Variants in RPS8 observed in about 807,000 individuals in gnomAD.
The protein encoded by RPS8 is small ribosomal subunit protein eS8.
For missense variants in RPS8, 141 were observed against 269.7 expected (o/e 0.52, Z 3.34); for synonymous variants, 100 against 100.7 (o/e 0.99, Z 0.04).
At position 44,778,719 on chromosome 1, in the gene RPS8, T is replaced by A; in HGVS notation, c.*34T>A. 7.2e-7 allele frequency: 1 copy of A among 1,388,444 alleles called. No homozygotes were observed. Among genetic ancestry groups the A allele is most frequent in the South Asian group, 1.2e-5 (1 of 80,716 alleles). 86.0% of individuals were successfully genotyped at this position (1,388,444 alleles called of 1,614,324 possible). A position where few individuals can be genotyped will look rare whatever the true frequency, so the allele number is the denominator to read the frequency against. On this transcript the variant is annotated 3_prime_UTR_variant, in exon 6 of 6. Transcript: ENST00000396651. ...TTTGTCTTCACCCATGTAATAAAGG[T>A]GTTTATTGTTTTGTTCCCACATTTA...
chr1:44,778,516 TGGAGA>T, intron 5 of RPS8, 55 bp from the exon 6 acceptor site: 1 of 1,329,194 alleles, frequency 7.5e-7, no homozygotes, highest in Non-Finnish European at 1.1e-6. Flanking sequence ...CTTAAGCGGG[TGGAGA>T]GGTTTGGGTA....
chr1:44,776,939 GAGCGAGAC>G (rs1650876875), intron 3 of RPS8, 165 bp downstream of exon 3: 2 of 549,866 alleles, frequency 3.6e-6, no homozygotes, highest in East Asian at 6.3e-5. Flanking sequence ...CTGGGCAACA[GAGCGAGAC>G]TCTCAGTAAA....
chr1:44,778,610 A>G lies in RPS8; in HGVS notation c.552A>G (p.Arg184=). 6.2e-7 allele frequency: 1 copy of G among 1,613,974 alleles called. No individual in the cohort carries two copies. The highest frequency in any genetic ancestry group is 8.5e-7 in the Non-Finnish European group (1 of 1,179,982). ...CTTCAAGGCCGGGACAGTGTGGCCGAGCAGATGGCTATGTGCTAGAGGGCA... is the reference window on the plus strand; with the variant it reads ...CTTCAAGGCCGGGACAGTGTGGCCGGGCAGATGGCTATGTGCTAGAGGGCA... The part of the protein sequence containing the change: ...CIASRPGQCG[R]ADGYVLEGKE... Residue 184 remains arginine (R), a synonymous_variant, in exon 6 of 6, where the codon CGA becomes CGG. Coordinates refer to ENST00000396651, the MANE Select transcript of RPS8 (RefSeq NM_001012.2).
chr1:44,776,641 G>C (rs1209922675), intron 2 of RPS8, 34 bp from the exon 3 acceptor site: 2 of 1,587,002 alleles, frequency 1.3e-6, no homozygotes, highest in Admixed American at 1.7e-5. Context: ...TGCTCTCCTT[G>C]GTAACCTAGT....
chr1:44,776,608 A>G, intron 2 of RPS8, 67 bp from the exon 3 acceptor site: 1 of 1,337,946 alleles, frequency 7.5e-7, no homozygotes, highest in East Asian at 2.3e-5. Flanking sequence ...CTCCCGGCCC[A>G]GGTTCCTCTC....
chr1:44,778,249 A>G, intron 5 of RPS8, 120 bp downstream of exon 5: 1 of 1,276,426 alleles, frequency 7.8e-7, no homozygotes, highest in Non-Finnish European at 1.1e-6. Flanking sequence ...CACTGATAAC[A>G]GGCTGCGAGC....
In RPS8 at chr1:44,776,087, C is replaced by G; in HGVS notation, c.58C>G (p.Pro20Ala). Residue 20 changes from proline to alanine, a missense_variant, in exon 2 of 6, where the codon CCC becomes GCC. Pro to Ala is a conservative substitution (Grantham distance 27). Coordinates refer to ENST00000396651, the MANE Select transcript of RPS8 (RefSeq NM_001012.2). ...KRRKTGGKRK[P>A]YHKKRKYELG... is the part of the protein sequence containing the mutation. ...CCGCAAAACCGGGGGCAAGAGAAAG[C>G]CCTACCACAAGAAGCGGAAGTATGA... 1 of 1,610,468 alleles carries G rather than the reference C, an allele frequency of 6.2e-7. No individual in the cohort carries two copies. The highest frequency in any genetic ancestry group is 8.5e-7 in the Non-Finnish European group (1 of 1,179,098).
At chr1:44,775,746 G>A in intron 1 of RPS8, 146 bp downstream of exon 1, 5 of 1,127,704 alleles carry the variant, frequency 4.4e-6, no homozygotes, top group South Asian at 1.2e-5. Context: ...GGTTTCGGCC[G>A]CCCAGCCCGT....
intron 3 of RPS8, 146 bp downstream of exon 3, chr1:44,776,920 G>T: frequency 1.7e-6 from 1 of 573,618 alleles, no homozygotes; most frequent in Non-Finnish European, 3.0e-6. Flanking sequence ...TCAGGAGTTC[G>T]AGTCCAGCCT....
Position 44,775,563 on chromosome 1 carries a change from CT to C in RPS8, c.-31del. 6.2e-7 allele frequency: 1 copy of C among 1,614,054 alleles called. No individual in the cohort carries two copies. The highest frequency in any genetic ancestry group is 8.5e-7 in the Non-Finnish European group (1 of 1,179,918). On this transcript the variant is annotated 5_prime_UTR_variant, in exon 1 of 6. Transcript: ENST00000396651. ...GCGTTTTACAAACCGAACCGTGAATCTTTGCGGTTTCTCTTTCCAGCCAGCG... is the reference window on the plus strand; with the variant it reads ...GCGTTTTACAAACCGAACCGTGAATCTTGCGGTTTCTCTTTCCAGCCAGCG...
intron 3 of RPS8, 35 bp from the exon 4 acceptor site, chr1:44,777,579 C>T: frequency 6.3e-7 from 1 of 1,583,906 alleles, no homozygotes; most frequent in Non-Finnish European, 8.6e-7. Flanking sequence ...ATTTGTCCTC[C>T]AGTTTACTTG....
rs781472251 is a variant in RPS8, at chr1:44,778,601, G to T, written c.543G>T (p.Gln181His). 2.5e-6 allele frequency: 4 copies of T among 1,613,908 alleles called. No homozygotes were observed. The highest frequency in any genetic ancestry group is 3.4e-6 in the Non-Finnish European group (4 of 1,179,876). Reference sequence around the variant, plus strand: ...CGTGCATCGCTTCAAGGCCGGGACAGTGTGGCCGAGCAGATGGCTATGTGC... The same window carrying T: ...CGTGCATCGCTTCAAGGCCGGGACATTGTGGCCGAGCAGATGGCTATGTGC... The part of the protein sequence containing the change: ...LLACIASRPG[Q>H]CGRADGYVLE... The change falls in exon 6 of 6, where the codon CAG becomes CAT. Residue 181 changes from glutamine (Q) to histidine (H), a missense_variant. Transcript: ENST00000396651.
intron 2 of RPS8, 25 bp from the exon 3 acceptor site, chr1:44,776,650 G>A: frequency 3.7e-6 from 6 of 1,606,370 alleles, no homozygotes; most frequent in Non-Finnish European, 5.1e-6. Flanking sequence ...TGGTAACCTA[G>A]TTCCTGTAAC....
chr1:44,778,513 G>C (rs561860661), intron 5 of RPS8, 63 bp from the exon 6 acceptor site: 2 of 1,300,274 alleles, frequency 1.5e-6, no homozygotes, highest in Non-Finnish European at 2.2e-6. Flanking sequence ...ATTCTTAAGC[G>C]GGTGGAGAGG....
At chr1:44,778,207 C>G in intron 5 of RPS8, 78 bp downstream of exon 5, 5 of 1,548,694 alleles carry the variant, frequency 3.2e-6, no homozygotes, top group Admixed American at 1.8e-5. Context: ...GTCTCAGTTC[C>G]TTTGACTGCC....
chr1:44,776,836 A>G (rs1162143614), intron 3 of RPS8, 62 bp downstream of exon 3: 16 of 1,327,144 alleles, frequency 1.2e-5, no homozygotes, highest in African/African-American at 3.0e-5. Flanking sequence ...AGATTCACCA[A>G]GTGGGCCTGG....
chr1:44,775,858 G>C (rs758823753), intron 1 of RPS8, 176 bp from the exon 2 acceptor site: 12 of 816,140 alleles, frequency 1.5e-5, no homozygotes, highest in Non-Finnish European at 2.4e-5. Context: ...CCCCGGCCTG[G>C]CCGCACGTGT....
At chr1:44,777,373 C>T (rs553073225) in intron 3 of RPS8, 3 of 515,444 alleles carry the variant, frequency 5.8e-6, no homozygotes, top group Admixed American at 3.4e-5. Context: ...GCCCGACCTG[C>T]TCTGATCTTT....
intron 2 of RPS8, chr1:44,776,468 G>T (rs768964306): frequency 2.6e-6 from 2 of 761,980 alleles, no homozygotes; most frequent in Non-Finnish European, 4.8e-6. Context: ...AGCATTTGGG[G>T]TCAGGCTTTC....
Sources: allele counts gnomAD v4.1 joint callset, GRCh38; gene constraint gnomAD v4.1.1; transcripts MANE v1.5; gene names NCBI Gene and HGNC (gene_info 2026-07-23, HGNC 2026-07-21).